XYLT1: variants seen among roughly 807,000 people sequenced by gnomAD.
XYLT1 encodes the protein beta-D-xylosyltransferase 1.
XYLT1 carries 36 observed loss-of-function variants against 91.3 expected under a neutral mutation model. The observed-to-expected ratio is 0.39, with a 90% confidence interval of 0.30 to 0.52. The LOEUF (loss-of-function observed/expected upper bound fraction) is 0.52, where lower values mean the gene tolerates loss of function less well. XYLT1 is among the 20% of genes least tolerant of loss of function. XYLT1 has a pLI of 0.68. For missense variants in XYLT1, 1,242 were observed against 1,284.5 expected, an observed-to-expected ratio of 0.97 and a Z score of 0.51; for synonymous variants, 588 against 532.0, an observed-to-expected ratio of 1.11 and a Z score of -1.45.
intron 1 of XYLT1, among the ~76,000 whole-genome samples, chr16:17,421,171 G>A (rs1309582772): frequency 3.3e-5 from 5 of 152,112 alleles, no homozygotes; most frequent in African/African-American, 7.2e-5. Context: ...CATATATTTC[G>A]ATCTTAGGAG....
chr16:17,109,014 T>C lies in XYLT1; in HGVS notation c.2561A>G (p.Glu854Gly). 1 of 1,507,074 alleles carries C rather than the reference T, an allele frequency of 6.6e-7. No individual in the cohort carries two copies. The highest frequency in any genetic ancestry group is 8.9e-7 in the Non-Finnish European group (1 of 1,124,044). 93.4% of individuals were successfully genotyped at this position (1,507,074 alleles called of 1,614,324 possible). A position where few individuals can be genotyped will look rare whatever the true frequency, so the allele number is the denominator to read the frequency against. ...FSNRQPIKPE[E>G]ALKLHNGPLR... is the part of the protein sequence containing the mutation. ...GGGCCCATTGTGCAGCTTCAGTGCC[T>C]CCTCTGAAAGCCAAAGGGAACAATT... is the stretch of plus-strand genomic sequence containing the variant. Residue 854 changes from glutamate (E) to glycine (G), a missense_variant, in exon 12 of 12, where the codon GAG (glutamate) becomes GGG (glycine). Physicochemically the swap from Glu to Gly is moderately conservative, Grantham distance 98. Coordinates refer to ENST00000261381, the MANE Select transcript of XYLT1 (RefSeq NM_022166.4).
At chr16:17,137,964 A>C (rs1021398562) in intron 8 of XYLT1, among the ~76,000 whole-genome samples, 9 of 152,224 alleles carry the variant, frequency 5.9e-5, no homozygotes, top group African/African-American at 2.2e-4. Context: ...CCCTAGATAT[A>C]TACTTAAAAG....
chr16:17,108,439 G>C lies in XYLT1; in HGVS notation c.*256C>G, dbSNP rs1966807980. The C allele has an allele frequency of 7.4e-6, 3 of 403,612 alleles. No individual in the cohort carries two copies. 25.0% of individuals were successfully genotyped at this position (403,612 alleles called of 1,614,324 possible). On this transcript the variant is annotated 3_prime_UTR_variant, in exon 12 of 12. Coordinates refer to ENST00000261381, the MANE Select transcript of XYLT1 (RefSeq NM_022166.4). The stretch of plus-strand genomic sequence containing the variant: ...GAAGGGGAAGACAAGGAACCTGTAG[G>C]ACTTGAGGATCAACCAGAAGAGGTG...
rs2034721236 is a variant in XYLT1, at chr16:17,321,517, T to C, written c.402+36495A>G. Among the ~76,000 whole-genome samples, 3 of 151,910 alleles carry C rather than the reference T, an allele frequency of 2.0e-5. No homozygotes were observed. In the South Asian group the frequency reaches 6.3e-4, roughly 32 times the overall value. On this transcript the variant is annotated intron_variant, in intron 2 of 11. Coordinates refer to ENST00000261381, the MANE Select transcript of XYLT1 (RefSeq NM_022166.4). ...GGATTACAGGAATGCACCACCACGC[T>C]CTGCTACTTTTTGTATTTTTAGTAG...
At chr16:17,349,558 T>A (rs2035191934) in intron 2 of XYLT1, among the ~76,000 whole-genome samples, 1 of 151,884 alleles carries the variant, frequency 6.6e-6, no homozygotes, top group African/African-American at 2.4e-5. Context: ...CCAGGGTTAT[T>A]TCCCAATATA....
Position 17,386,838 on chromosome 16 carries a change from T to C in XYLT1, c.364-28788A>G, listed in dbSNP as rs534235125. ...TAACCCAATAAGGCAGGTGTAGTTGTCATCATCCTTTTACAGATGAAGAAA... is the reference window on the plus strand; with the variant it reads ...TAACCCAATAAGGCAGGTGTAGTTGCCATCATCCTTTTACAGATGAAGAAA... On this transcript the variant is annotated intron_variant, in intron 1 of 11. Transcript: ENST00000261381. Among the ~76,000 whole-genome samples, 11 of 152,302 alleles carry C rather than the reference T, an allele frequency of 7.2e-5. No homozygotes were observed. In the South Asian group the frequency reaches 2.1e-3, roughly 29 times the overall value.
chr16:17,360,922 T>C (rs1230029815), intron 1 of XYLT1, among the ~76,000 whole-genome samples: 1 of 152,180 alleles, frequency 6.6e-6, no homozygotes, highest in South Asian at 2.1e-4. Context: ...CCAGTAACCA[T>C]GGAACCGCCT....
In XYLT1 at chr16:17,285,896, G is replaced by A. The variant is rs1200940035; in HGVS notation, c.403-26398C>T. On this transcript the variant is annotated intron_variant, in intron 2 of 11. Coordinates refer to ENST00000261381, the MANE Select transcript of XYLT1 (RefSeq NM_022166.4). The stretch of plus-strand genomic sequence containing the variant: ...TCTCTGTGTGTGTGTGTGTGTGTGT[G>A]TGTGTGTGTGTGTGTGTGTGTGTCC... 5.3e-3 allele frequency among the ~76,000 whole-genome samples: 771 copies of A among 145,170 alleles called. 9 individuals carry two copies. The highest frequency in any genetic ancestry group is 0.02 in the African/African-American group (746 of 37,474).
intron 2 of XYLT1, among the ~76,000 whole-genome samples, chr16:17,307,652 C>G (rs1042579010): frequency 1.3e-5 from 2 of 152,140 alleles, no homozygotes; most frequent in African/African-American, 4.8e-5. Flanking sequence ...CTTCTCTGCA[C>G]AGTGAGCTGG....
chr16:17,184,185 C>CTTTTTTT lies in XYLT1; in HGVS notation c.1289+14020_1289+14026dup, dbSNP rs71390593. On this transcript the variant is annotated intron_variant, in intron 5 of 11. Coordinates refer to ENST00000261381, the MANE Select transcript of XYLT1 (RefSeq NM_022166.4). ...GGAGAAAAAGTCACATAAAAGACGG[C>CTTTTTTT]TTTTTTTTTTTTTTTTTTTTGCCAA... 6.5e-5 allele frequency among the ~76,000 whole-genome samples: 7 copies of CTTTTTTT among 107,486 alleles called. 1 individual carries two copies. The highest frequency in any genetic ancestry group is 4.9e-3 in the Middle Eastern group (1 of 204). The allele number at this position is 107,486 out of a possible 152,430, so 70.5% of individuals were successfully genotyped here.
Position 17,102,689 on chromosome 16 carries a change from T to G in XYLT1, c.*6006A>C, listed in dbSNP as rs571765161. Reference sequence around the variant, plus strand: ...AGTTCAATATCTCTTAAAATACTCCTTTAAATAAATAGCAAAATATCTACA... The same window carrying G: ...AGTTCAATATCTCTTAAAATACTCCGTTAAATAAATAGCAAAATATCTACA... On this transcript the variant is annotated 3_prime_UTR_variant, in exon 12 of 12. Transcript: ENST00000261381. 65 of 152,552 alleles carry G rather than the reference T, an allele frequency of 4.3e-4. No homozygotes were observed. The highest frequency in any genetic ancestry group is 2.2e-3 in the Admixed American group (34 of 15,306). The allele number at this position is 152,552 out of a possible 1,614,324, so 9.4% of individuals were successfully genotyped here. A position where few individuals can be genotyped will look rare whatever the true frequency, so the allele number is the denominator to read the frequency against.
intron 2 of XYLT1, among the ~76,000 whole-genome samples, chr16:17,303,761 T>C (rs554418687): frequency 1.3e-5 from 2 of 152,352 alleles, no homozygotes; most frequent in South Asian, 2.1e-4. Context: ...GTATGATTAG[T>C]TGATCAATGG....
At chr16:17,415,333 T>G (rs1038624257) in intron 1 of XYLT1, among the ~76,000 whole-genome samples, 1 of 152,166 alleles carries the variant, frequency 6.6e-6, no homozygotes, top group African/African-American at 2.4e-5. Context: ...GCAACACTGC[T>G]GGAATCCGAG....
At chr16:17,205,142 C>T (rs185571445) in intron 3 of XYLT1, among the ~76,000 whole-genome samples, 1 of 152,274 alleles carries the variant, frequency 6.6e-6, no homozygotes, top group East Asian at 1.9e-4. Context: ...TTTTGCAGTG[C>T]AGGTGTGAAG....
intron 2 of XYLT1, among the ~76,000 whole-genome samples, chr16:17,318,783 G>A (rs1461388342): frequency 7.5e-6 from 1 of 133,358 alleles, no homozygotes; most frequent in Non-Finnish European, 1.5e-5. Context: ...CCTGGGATCT[G>A]CTTACTCTTT....
chr16:17,438,237 T>C (rs2036485697), intron 1 of XYLT1, among the ~76,000 whole-genome samples: 1 of 152,172 alleles, frequency 6.6e-6, no homozygotes, highest in Non-Finnish European at 1.5e-5. Context: ...AAGAAGATGA[T>C]GATGTTAATA....
chr16:17,192,177 C>A (rs2032326400), intron 5 of XYLT1, among the ~76,000 whole-genome samples: 1 of 150,936 alleles, frequency 6.6e-6, no homozygotes, highest in South Asian at 2.1e-4. Flanking sequence ...CAGCTCTCTA[C>A]CACCTCTGCC....
At chr16:17,158,687 C>A (rs1312570044) in intron 6 of XYLT1, 142 bp downstream of exon 6, 2 of 802,146 alleles carry the variant, frequency 2.5e-6, no homozygotes, top group South Asian at 1.6e-5. Flanking sequence ...CCCACGCAGA[C>A]ACAGCGAAGG....
intron 2 of XYLT1, among the ~76,000 whole-genome samples, chr16:17,306,261 A>T (rs540898407): frequency 1.3e-5 from 2 of 152,306 alleles, no homozygotes; most frequent in African/African-American, 4.8e-5. Context: ...GAGCGAGAAC[A>T]TTGGGAGAGA....
Sources: allele counts gnomAD v4.1 joint callset (sites outside exome capture counted in the v4.1 genomes callset), GRCh38; gene constraint gnomAD v4.1.1; transcripts MANE v1.5; gene names NCBI Gene and HGNC (gene_info 2026-07-23, HGNC 2026-07-21).